ELF2: variants seen among roughly 807,000 people sequenced by gnomAD.
The protein encoded by ELF2 is ETS-related transcription factor Elf-2.
In ELF2, 11 loss-of-function variants were observed where a neutral mutation model predicts 54.8. The observed-to-expected ratio is 0.20, with a 90% CI of 0.13 to 0.33. The LOEUF (loss-of-function observed/expected upper bound fraction) is 0.33, where lower values mean the gene tolerates loss of function less well. ELF2 is among the 10% of genes least tolerant of loss of function. The pLI is 1.00. For synonymous variants in ELF2, 203 were observed against 245.1 expected (o/e 0.83, Z 1.61); for missense variants, 513 against 703.0 (o/e 0.73, Z 3.06).
intron 4 of ELF2, among the ~76,000 whole-genome samples, chr4:139,090,528 T>C (rs1467401728): frequency 2.0e-5 from 3 of 152,236 alleles, no homozygotes; most frequent in Admixed American, 6.5e-5. Context: ...TATTGATCTA[T>C]AGAATGTTAA....
At chr4:139,135,083 A>G (rs1737989993) in intron 3 of ELF2, among the ~76,000 whole-genome samples, 1 of 152,068 alleles carries the variant, frequency 6.6e-6, no homozygotes, top group African/African-American at 2.4e-5. Context: ...AAGCCTAAAA[A>G]TAGTGATAAT....
intron 4 of ELF2, among the ~76,000 whole-genome samples, chr4:139,117,300 T>A (rs550117293): frequency 6.6e-6 from 1 of 152,344 alleles, no homozygotes; most frequent in East Asian, 1.9e-4. Flanking sequence ...AAAGGAAATG[T>A]TTTTTTAAAA....
chr4:139,111,068 G>GA (rs1025392112), intron 4 of ELF2, among the ~76,000 whole-genome samples: 2 of 151,524 alleles, frequency 1.3e-5, no homozygotes, highest in Admixed American at 6.6e-5. Flanking sequence ...TTTTTAAAAA[G>GA]AAAAAAAATC....
chr4:139,079,267 T>C (rs1362615652), intron 4 of ELF2, among the ~76,000 whole-genome samples: 1 of 152,162 alleles, frequency 6.6e-6, no homozygotes, highest in Non-Finnish European at 1.5e-5. Flanking sequence ...AGTAAGTAGC[T>C]TTGTTTTTTA....
intron 4 of ELF2, among the ~76,000 whole-genome samples, chr4:139,109,893 T>A (rs949985066): frequency 6.6e-6 from 1 of 152,198 alleles, no homozygotes; most frequent in African/African-American, 2.4e-5. Context: ...CTGTGTTCAC[T>A]ATCTGGGTGA....
intron 4 of ELF2, among the ~76,000 whole-genome samples, chr4:139,099,125 C>G (rs756240627): frequency 1.3e-5 from 2 of 152,188 alleles, no homozygotes; most frequent in African/African-American, 2.4e-5. Flanking sequence ...TCATACAGTT[C>G]CTCACTATTT....
chr4:139,125,885 C>G (rs114606237), intron 3 of ELF2, among the ~76,000 whole-genome samples: 1,822 of 152,134 alleles, frequency 0.012, 11 homozygotes, highest in East Asian at 0.039. Context: ...TAGACCTTCT[C>G]TCTCCTTCAT....
intron 4 of ELF2, among the ~76,000 whole-genome samples, chr4:139,083,406 C>G (rs1731449462): frequency 6.6e-6 from 1 of 152,218 alleles, no homozygotes; most frequent in Non-Finnish European, 1.5e-5. Context: ...AACCTAGTTT[C>G]TTCGCAGCCA....
At chr4:139,072,304 C>T in intron 5 of ELF2, 1 of 303,062 alleles carries the variant, frequency 3.3e-6, no homozygotes, top group South Asian at 5.8e-5. Context: ...CTCTTTCACA[C>T]TTATACTTTC....
At chr4:139,112,046 GC>G (rs1390298450) in intron 4 of ELF2, among the ~76,000 whole-genome samples, 1 of 152,082 alleles carries the variant, frequency 6.6e-6, no homozygotes, top group Non-Finnish European at 1.5e-5. Context: ...GCTCCTCACT[GC>G]CCTTTAGACT....
At chr4:139,072,210 A>G (rs980725379) in intron 5 of ELF2, 171 bp from the exon 6 acceptor site, 1 of 608,554 alleles carries the variant, frequency 1.6e-6, no homozygotes, top group Non-Finnish European at 2.7e-6. Flanking sequence ...TAAACTACAT[A>G]AGGAAAATAA....
chr4:139,116,412 G>A (rs561954432), intron 4 of ELF2, among the ~76,000 whole-genome samples: 270 of 151,596 alleles, frequency 1.8e-3, no homozygotes, highest in African/African-American at 5.9e-3. Context: ...AGCTTCCAAG[G>A]AAGTAGAGGC....
intron 1 of ELF2, among the ~76,000 whole-genome samples, chr4:139,161,787 A>C (rs189620365): frequency 6.6e-6 from 1 of 151,878 alleles, no homozygotes; most frequent in Non-Finnish European, 1.5e-5. Flanking sequence ...CCTGCCCAAC[A>C]TGGAGAAACC....
chr4:139,171,276 C>A (rs1055785537), intron 1 of ELF2, among the ~76,000 whole-genome samples: 1 of 152,060 alleles, frequency 6.6e-6, no homozygotes, highest in Non-Finnish European at 1.5e-5. Flanking sequence ...CACCTGCATT[C>A]CCCATTCCCA....
Position 139,059,486 on chromosome 4 carries a change from T to C in ELF2, c.1279A>G (p.Thr427Ala). 1 of 1,614,000 alleles carries C rather than the reference T, an allele frequency of 6.2e-7. No homozygotes were observed. Among genetic ancestry groups the C allele is most frequent in the Non-Finnish European group, 8.5e-7 (1 of 1,179,864 alleles). Residue 427 changes from threonine to alanine, a missense_variant, in exon 10 of 10, where the codon ACA becomes GCA. By Grantham distance (58) the Thr-to-Ala change is moderately conservative (BLOSUM62 0). Around this residue, in one of 3 missense-constraint regions of ELF2, gnomAD observed 291 missense variants for 366.1 expected, o/e 0.79. Transcript: ENST00000686138. ...APLITSTSPT[T>A]ATSPKVVIQT... Reference sequence around the variant, plus strand: ...ATGACTACCTTTGGAGAGGTCGCTGTTGTTGGACTAGTGCTGGTTATTAAT... The same window carrying C: ...ATGACTACCTTTGGAGAGGTCGCTGCTGTTGGACTAGTGCTGGTTATTAAT...
At chr4:139,071,817 A>C in intron 6 of ELF2, 49 bp downstream of exon 6, 10 of 1,529,836 alleles carry the variant, frequency 6.5e-6, no homozygotes, top group Non-Finnish European at 8.8e-6. Flanking sequence ...GAAAAAGATA[A>C]GAGAAAAATT....
chr4:139,095,249 A>G (rs1429291249), intron 4 of ELF2, among the ~76,000 whole-genome samples: 2 of 151,666 alleles, frequency 1.3e-5, no homozygotes, highest in Non-Finnish European at 2.9e-5. Context: ...CAGTGGCACA[A>G]TCTCAGCTCA....
In ELF2 at chr4:139,164,754, GTTTC is replaced by G. The variant is rs575349707; in HGVS notation, c.-252+12209_-252+12212del. On this transcript the variant is annotated intron_variant, in intron 1 of 9. Transcript: ENST00000686138. ...GTTTTTATGTTTATTTCAGAAATCTGTTTCTTTAAGTTTTTAAACATCTTCTGAA... is the reference window on the plus strand; with the variant it reads ...GTTTTTATGTTTATTTCAGAAATCTGTTTAAGTTTTTAAACATCTTCTGAA... Among the ~76,000 whole-genome samples the G allele has an allele frequency of 3.2e-3, 489 of 152,264 alleles. 6 individuals are homozygous for G. Among genetic ancestry groups the G allele is most frequent in the African/African-American group, 0.011 (461 of 41,558 alleles).
intron 1 of ELF2, among the ~76,000 whole-genome samples, chr4:139,149,291 C>A (rs1308074126): frequency 1.3e-5 from 2 of 152,106 alleles, no homozygotes; most frequent in Non-Finnish European, 2.9e-5. Flanking sequence ...TTCTATAGGC[C>A]AGCAACAGAG....
Sources: allele counts gnomAD v4.1 joint callset (sites outside exome capture counted in the v4.1 genomes callset), GRCh38; gene constraint gnomAD v4.1.1; regional missense constraint gnomAD v4.1.1; transcripts MANE v1.5; gene names NCBI Gene and HGNC (gene_info 2026-07-23, HGNC 2026-07-21).